STYXL2: variants seen among roughly 807,000 people sequenced by gnomAD.
STYXL2 encodes serine/threonine/tyrosine-interacting-like protein 2.
A neutral mutation model predicts 52.4 loss-of-function variants in STYXL2; 44 were observed. That is an observed-to-expected ratio of 0.84 (90% CI 0.66 to 1.08). The LOEUF (loss-of-function observed/expected upper bound fraction) is 1.08, where lower values mean the gene tolerates loss of function less well. Among genes scored for constraint, STYXL2 ranks in the 50% least tolerant of loss-of-function variants. The pLI is 0.00. For missense variants in STYXL2, 1,604 were observed against 1,471.7 expected (o/e 1.09, Z -1.47); for synonymous variants, 604 against 586.9 (o/e 1.03, Z -0.42).
intron 2 of STYXL2, 129 bp downstream of exon 2, chr1:167,095,088 C>T (rs545700788): frequency 3.1e-6 from 2 of 655,318 alleles, no homozygotes; most frequent in Non-Finnish European, 5.4e-6. Context: ...TTATTGAGTA[C>T]TTGTATGTGT....
chr1:167,123,481 T>TA (rs1468238600), intron 5 of STYXL2, among the ~76,000 whole-genome samples: 4 of 152,158 alleles, frequency 2.6e-5, no homozygotes, highest in Non-Finnish European at 5.9e-5. Flanking sequence ...CAGTGAGACT[T>TA]AGAGACTAGC....
At chr1:167,119,498 A>C in intron 5 of STYXL2, 32 bp downstream of exon 5, 2 of 1,592,026 alleles carry the variant, frequency 1.3e-6, no homozygotes, top group Non-Finnish European at 1.7e-6. Flanking sequence ...AGGCTGCTGG[A>C]ATTCCACGGG....
intron 2 of STYXL2, among the ~76,000 whole-genome samples, chr1:167,109,342 GTGGGGCACAGTGAAAGTGAGAC>G (rs1293481420): frequency 6.6e-6 from 1 of 152,190 alleles, no homozygotes; most frequent in African/African-American, 2.4e-5. Context: ...AGTGCTGTTG[GTGGGGCACAGTGAAAGTGAGAC>G]TGGCCTTGCT....
At chr1:167,097,685 T>C (rs1390260474) in intron 2 of STYXL2, among the ~76,000 whole-genome samples, 1 of 144,902 alleles carries the variant, frequency 6.9e-6, no homozygotes, top group Non-Finnish European at 1.5e-5. Context: ...CAAGAAACTA[T>C]AGGTTAAAAA....
chr1:167,126,620 G>T lies in STYXL2; in HGVS notation c.1489G>T (p.Ala497Ser). The change falls in exon 6 of 6, where the codon GCC (alanine) becomes TCC (serine). Residue 497 changes from alanine (A) to serine (S), a missense_variant. By Grantham distance (99) the Ala-to-Ser change is moderately conservative. Coordinates refer to ENST00000361200, the MANE Select transcript of STYXL2 (RefSeq NM_001080426.3). ...GAAGGAGGCTTCCCGGAGGTACCAC[G>T]CCAAGAGCAAGAGAGAGGAGGCGGC... ...IEKEASRRYH[A>S]KSKREEAADR... 6.2e-7 allele frequency: 1 copy of T among 1,614,054 alleles called. No homozygotes were observed.
In STYXL2 at chr1:167,126,665, G is replaced by T. The variant is rs1350719525; in HGVS notation, c.1534G>T (p.Gly512Trp). ...GGCGGCAGACAGGAGCTCAGAAGCA[G>T]GGAGCAGGGTGCGGGAGGATGATGA... ...EEAADRSSEA[G>W]SRVREDDEDS... The change falls in exon 6 of 6, where the codon GGG becomes TGG. Residue 512 changes from glycine (G) to tryptophan (W), a missense_variant. Physicochemically the swap from Gly to Trp is radical, Grantham distance 184 (BLOSUM62 -2). Transcript: ENST00000361200. 1.2e-6 allele frequency: 2 copies of T among 1,614,132 alleles called. No homozygotes were observed. Among genetic ancestry groups the T allele is most frequent in the South Asian group, 2.2e-5 (2 of 91,086 alleles).
chr1:167,126,580 G>T lies in STYXL2; in HGVS notation c.1449G>T (p.Arg483Ser), dbSNP rs1286745439. 6.2e-7 allele frequency: 1 copy of T among 1,614,072 alleles called. No individual in the cohort carries two copies. Among genetic ancestry groups the T allele is most frequent in the Non-Finnish European group, 8.5e-7 (1 of 1,180,008 alleles). Residue 483 changes from arginine (R) to serine (S), a missense_variant, in exon 6 of 6, where the codon AGG becomes AGT. By Grantham distance (110) the Arg-to-Ser change is moderately radical. Transcript: ENST00000361200. Reference sequence around the variant, plus strand: ...GCACCTGGGACGCATGGAACGAGAGGCTGCTGGAGATTGAGAAGGAGGCTT... The same window carrying T: ...GCACCTGGGACGCATGGAACGAGAGTCTGCTGGAGATTGAGAAGGAGGCTT... ...SESTWDAWNE[R>S]LLEIEKEASR...
intron 2 of STYXL2, among the ~76,000 whole-genome samples, chr1:167,101,540 A>C (rs1667402482): frequency 6.6e-6 from 1 of 152,190 alleles, no homozygotes; most frequent in African/African-American, 2.4e-5. Context: ...ACAGTGGCTC[A>C]TGTCTATAAT....
chr1:167,099,940 C>T (rs1359362395), intron 2 of STYXL2, among the ~76,000 whole-genome samples: 1 of 152,214 alleles, frequency 6.6e-6, no homozygotes, highest in Non-Finnish European at 1.5e-5. Flanking sequence ...TTAAAAACTG[C>T]CTGTCTTGGT....
At chr1:167,102,294 G>GTT (rs199703702) in intron 2 of STYXL2, among the ~76,000 whole-genome samples, 3 of 144,458 alleles carry the variant, frequency 2.1e-5, no homozygotes, top group African/African-American at 2.7e-5. Context: ...TAATAAAGCT[G>GTT]TTTTTTAAAA....
intron 2 of STYXL2, among the ~76,000 whole-genome samples, chr1:167,104,359 G>A (rs918822408): frequency 1.3e-5 from 2 of 152,010 alleles, no homozygotes; most frequent in East Asian, 1.9e-4. Flanking sequence ...TCAAGACTTC[G>A]CAGTTTTGTA....
Position 167,094,950 on chromosome 1 carries a change from C to A in STYXL2, c.101C>A (p.Ser34Tyr). Reference protein sequence around the residue: ...AVQAHYLRSPSPSQYSMVSDA... With the variant: ...AVQAHYLRSPYPSQYSMVSDA... Reference sequence around the variant, plus strand: ...CAGGCCCACTACCTCCGAAGCCCCTCCCCTAGCCAGTAAGTGACCACTTAT... The same window carrying A: ...CAGGCCCACTACCTCCGAAGCCCCTACCCTAGCCAGTAAGTGACCACTTAT... The change falls in exon 2 of 6, where the codon TCC becomes TAC. Residue 34 changes from serine to tyrosine, a missense_variant. Ser to Tyr is a moderately radical substitution (Grantham distance 144). Transcript: ENST00000361200. 6.2e-7 allele frequency: 1 copy of A among 1,603,516 alleles called. No homozygotes were observed. The highest frequency in any genetic ancestry group is 8.5e-7 in the Non-Finnish European group (1 of 1,175,288).
intron 2 of STYXL2, among the ~76,000 whole-genome samples, chr1:167,110,019 G>A (rs865821819): frequency 3.3e-4 from 50 of 152,266 alleles, no homozygotes; most frequent in African/African-American, 1.1e-3. Context: ...CCATGGCTGA[G>A]AGACCTGAAG....
At chr1:167,108,575 G>A (rs578203585) in intron 2 of STYXL2, among the ~76,000 whole-genome samples, 2 of 129,990 alleles carry the variant, frequency 1.5e-5, no homozygotes, top group East Asian at 8.4e-4. Flanking sequence ...GATCTCTAAA[G>A]GCCTCTCTAG....
chr1:167,126,259 C>T lies in STYXL2; in HGVS notation c.1128C>T (p.Ser376=). The part of the protein sequence containing the change: ...PQDGGGWRSA[S]SGQGGEELED... ...ATGGAGGTGGCTGGCGCTCAGCCTCCTCTGGCCAGGGTGGGGAGGAGCTCG... is the reference window on the plus strand; with the variant it reads ...ATGGAGGTGGCTGGCGCTCAGCCTCTTCTGGCCAGGGTGGGGAGGAGCTCG... Residue 376 remains serine (S), a synonymous_variant, in exon 6 of 6, where the codon TCC becomes TCT. Transcript: ENST00000361200. The T allele has an allele frequency of 6.5e-7, 1 of 1,543,864 alleles. No homozygotes were observed. The highest frequency in any genetic ancestry group is 1.3e-5 in the South Asian group (1 of 79,242).
chr1:167,119,563 G>C, intron 5 of STYXL2, 97 bp downstream of exon 5: 1 of 1,035,732 alleles, frequency 9.7e-7, no homozygotes. Context: ...GTGTGTGAGG[G>C]GTATCTGTCT....
At chr1:167,125,497 CT>C (rs1436087671) in intron 5 of STYXL2, among the ~76,000 whole-genome samples, 2 of 152,190 alleles carry the variant, frequency 1.3e-5, no homozygotes, top group East Asian at 1.9e-4. Flanking sequence ...ACCCTTCCCC[CT>C]GTTCTTGTAT....
chr1:167,104,616 C>T (rs961851986), intron 2 of STYXL2, among the ~76,000 whole-genome samples: 12 of 152,172 alleles, frequency 7.9e-5, no homozygotes, highest in African/African-American at 2.9e-4. Flanking sequence ...AATTTCTCCA[C>T]CTCAGCTCTT....
chr1:167,117,048 A>G (rs1441241374), intron 3 of STYXL2, among the ~76,000 whole-genome samples: 1 of 152,214 alleles, frequency 6.6e-6, no homozygotes, highest in African/African-American at 2.4e-5. Flanking sequence ...GGTCTAAAAA[A>G]TTATCGACCA....
Sources: allele counts gnomAD v4.1 joint callset (sites outside exome capture counted in the v4.1 genomes callset), GRCh38; gene constraint gnomAD v4.1.1; transcripts MANE v1.5; gene names NCBI Gene and HGNC (gene_info 2026-07-23, HGNC 2026-07-21).